Variants in CTNNA3 observed in about 807,000 individuals in gnomAD.
CTNNA3 encodes catenin alpha-3.
A neutral mutation model predicts 95.7 loss-of-function variants in CTNNA3; 76 were observed. The ratio of observed to expected loss-of-function variants is 0.79; its 90% CI spans 0.66 to 0.96. The LOEUF is 0.96. Ranked by LOEUF, CTNNA3 falls within the 40% of genes least tolerant of loss-of-function variation. The pLI, the probability that CTNNA3 is intolerant of heterozygous loss-of-function variation, is 0.00. For missense variants in CTNNA3, 1,191 were observed against 1,089.8 expected (o/e 1.09, Z -1.31); for synonymous variants, 431 against 374.4 (o/e 1.15, Z -1.74).
intron 12 of CTNNA3, among the ~76,000 whole-genome samples, chr10:66,348,472 A>G (rs1349282461): frequency 3.3e-5 from 5 of 152,138 alleles, no homozygotes; most frequent in Admixed American, 6.6e-5. Flanking sequence ...ACAATTTAGC[A>G]TTCTTCTTGG....
intron 5 of CTNNA3, among the ~76,000 whole-genome samples, chr10:67,224,647 G>T (rs1305497765): frequency 6.6e-6 from 1 of 152,084 alleles, no homozygotes; most frequent in Admixed American, 6.6e-5. Context: ...ACCTTACCTG[G>T]AGCTGAGTCA....
chr10:66,361,382 T>TTTCC (rs67168425), intron 12 of CTNNA3, among the ~76,000 whole-genome samples: 63,308 of 138,800 alleles, frequency 0.46, 16,801 homozygotes, highest in Non-Finnish European at 0.59. Flanking sequence ...TTTCCTTTCC[T>TTTCC]TTCCTTCCTT....
intron 13 of CTNNA3, among the ~76,000 whole-genome samples, chr10:66,215,101 T>C (rs1424078261): frequency 6.6e-6 from 1 of 151,882 alleles, no homozygotes; most frequent in Non-Finnish European, 1.5e-5. Context: ...TGGAATCTCA[T>C]GTGCACAGAG....
intron 7 of CTNNA3, among the ~76,000 whole-genome samples, chr10:66,969,470 C>T (rs1040903539): frequency 2.6e-5 from 4 of 152,182 alleles, no homozygotes; most frequent in Admixed American, 6.5e-5. Context: ...TTTTAAGCAG[C>T]TTTATCCATA....
At chr10:66,740,323 A>T (rs1849286266) in intron 9 of CTNNA3, among the ~76,000 whole-genome samples, 1 of 152,178 alleles carries the variant, frequency 6.6e-6, no homozygotes, top group Non-Finnish European at 1.5e-5. Context: ...TATAATAAAC[A>T]CAGAAGTCCC....
At chr10:67,167,146 T>C (rs1249494570) in intron 7 of CTNNA3, among the ~76,000 whole-genome samples, 1 of 152,154 alleles carries the variant, frequency 6.6e-6, no homozygotes, top group Non-Finnish European at 1.5e-5. Context: ...TTTTTATTCT[T>C]TCTTATGGTT....
chr10:66,779,564 T>C (rs1044079565), intron 7 of CTNNA3, among the ~76,000 whole-genome samples: 7 of 152,050 alleles, frequency 4.6e-5, no homozygotes, highest in African/African-American at 1.7e-4. Flanking sequence ...GTTTTCACCA[T>C]GTCAGCCAGG....
chr10:66,683,448 T>A (rs1847138639), intron 9 of CTNNA3, among the ~76,000 whole-genome samples: 1 of 152,168 alleles, frequency 6.6e-6, no homozygotes, highest in Non-Finnish European at 1.5e-5. Context: ...CCAAAGGAAG[T>A]AGAAATACAC....
rs180685179 is a variant in CTNNA3 at position 67,458,632 on chromosome 10, G to T, written c.579+63210C>A. ...GATGGTTCATGCCTGTAATCCCAGC[G>T]CTTTGGAAGGCCGAAGTGGTCAGAT... On this transcript the variant is annotated intron_variant, in intron 5 of 17. Transcript: ENST00000433211. 7.2e-5 allele frequency among the ~76,000 whole-genome samples: 11 copies of T among 152,054 alleles called. No homozygotes were observed. The South Asian group carries it at 2.3e-3, about 32-fold the overall frequency.
At chr10:66,140,741 G>C (rs953198053) in intron 13 of CTNNA3, among the ~76,000 whole-genome samples, 1 of 152,344 alleles carries the variant, frequency 6.6e-6, no homozygotes, top group African/African-American at 2.4e-5. Flanking sequence ...ATGTGAGGAA[G>C]TGCCAGTTGT....
intron 13 of CTNNA3, among the ~76,000 whole-genome samples, chr10:66,173,522 A>T (rs576868091): frequency 6.6e-6 from 1 of 152,174 alleles, no homozygotes; most frequent in East Asian, 1.9e-4. Flanking sequence ...CCATCTCTAC[A>T]TTAAAAAAAA....
chr10:66,331,422 C>T (rs189993538), intron 12 of CTNNA3, among the ~76,000 whole-genome samples: 9,067 of 130,972 alleles, frequency 0.069, 404 homozygotes, highest in East Asian at 0.11. Context: ...GGCGCGATCT[C>T]GACTCACTGC....
intron 8 of CTNNA3, among the ~76,000 whole-genome samples, chr10:66,774,214 C>A (rs1271820147): frequency 1.3e-5 from 2 of 152,098 alleles, no homozygotes; most frequent in Non-Finnish European, 2.9e-5. Flanking sequence ...ATAGAGACAA[C>A]TTTTCTGAGT....
chr10:67,304,988 G>A (rs1038276724), intron 5 of CTNNA3, among the ~76,000 whole-genome samples: 2 of 151,948 alleles, frequency 1.3e-5, no homozygotes, highest in African/African-American at 4.8e-5. Context: ...GAAAATGTGA[G>A]GTATTAGGCT....
intron 13 of CTNNA3, among the ~76,000 whole-genome samples, chr10:66,234,125 T>C (rs1021177876): frequency 6.6e-6 from 1 of 152,220 alleles, no homozygotes; most frequent in Non-Finnish European, 1.5e-5. Flanking sequence ...AGTATATTTC[T>C]TGTGGTACTG....
chr10:66,193,189 C>T (rs947937880), intron 13 of CTNNA3, among the ~76,000 whole-genome samples: 3 of 152,092 alleles, frequency 2.0e-5, no homozygotes, highest in Admixed American at 6.6e-5. Flanking sequence ...AGAAGAGATA[C>T]AATTAATCAA....
chr10:65,970,350 T>C (rs1416241502), intron 16 of CTNNA3, among the ~76,000 whole-genome samples: 1 of 152,062 alleles, frequency 6.6e-6, no homozygotes, highest in Non-Finnish European at 1.5e-5. Flanking sequence ...CACAGATCTA[T>C]AGCGCAATCA....
Position 67,425,299 on chromosome 10 carries a change from C to T in CTNNA3, c.579+96543G>A, listed in dbSNP as rs980199549. On this transcript the variant is annotated intron_variant, in intron 5 of 17. Transcript: ENST00000433211. ...TAGTTTAGTGAAGGAGACAGGTGAA[C>T]AAACAACAATGGTATAATATGAAAC... Among the ~76,000 whole-genome samples, 14 of 152,018 alleles carry T rather than the reference C, an allele frequency of 9.2e-5. No individual in the cohort carries two copies. In the East Asian group the frequency reaches 2.7e-3, roughly 29 times the overall value.
At chr10:67,069,055 AAT>A (rs1554911292) in intron 7 of CTNNA3, among the ~76,000 whole-genome samples, 67 of 131,898 alleles carry the variant, frequency 5.1e-4, no homozygotes, top group African/African-American at 1.6e-3. Context: ...CAGGAAAAAA[AAT>A]ATATATATGT....
Sources: gnomAD v4.1 joint callset for allele counts (sites outside exome capture counted in the v4.1 genomes callset) on GRCh38, gnomAD v4.1.1 for gene constraint, MANE v1.5 for transcripts, NCBI Gene and HGNC (gene_info 2026-07-23, HGNC 2026-07-21) for gene names.